CTSG: variants seen among roughly 807,000 people sequenced by gnomAD.
CTSG encodes cathepsin G.
CTSG carries 23 observed loss-of-function variants against 23.0 expected under a neutral mutation model. The observed-to-expected ratio is 1.00, with a 90% CI of 0.72 to 1.42. CTSG has a LOEUF of 1.42. Among genes scored for constraint, CTSG ranks in the 40% most tolerant of loss-of-function variants. The pLI, the probability that CTSG is intolerant of heterozygous loss-of-function variation, is 0.00. For missense variants in CTSG, 312 were observed against 326.2 expected, an observed-to-expected ratio of 0.96 and a Z score of 0.33; for synonymous variants, 140 against 130.4, an observed-to-expected ratio of 1.07 and a Z score of -0.50.
In CTSG at chr14:24,575,392, C is replaced by G; in HGVS notation, c.76G>C (p.Glu26Gln). ...TAGGGGCGGGAGTGGGGCCTGCTCT[C>G]CCGGCCTCCGATGATCTCCCCTGGA... is the stretch of plus-strand genomic sequence containing the variant. ...AEAGEIIGGR[E>Q]SRPHSRPYMA... Residue 26 changes from glutamate to glutamine, a missense_variant, in exon 2 of 5, where the codon GAG becomes CAG. Transcript: ENST00000216336. 6.2e-7 allele frequency: 1 copy of G among 1,614,168 alleles called. No homozygotes were observed. Among genetic ancestry groups the G allele is most frequent in the South Asian group, 1.1e-5 (1 of 91,084 alleles).
At chr14:24,575,206 A>G (rs1300631854) in intron 2 of CTSG, 59 bp downstream of exon 2, 11 of 1,594,650 alleles carry the variant, frequency 6.9e-6, no homozygotes, top group Non-Finnish European at 9.4e-6. Flanking sequence ...TGGCTCTTCC[A>G]CCGAAGAGCT....
At chr14:24,575,223 G>A (rs761109514) in intron 2 of CTSG, 42 bp downstream of exon 2, 26 of 1,612,524 alleles carry the variant, frequency 1.6e-5, no homozygotes, top group Non-Finnish European at 2.2e-5. Context: ...AGCTCCGCAG[G>A]GCTGTGTTCC....
Position 24,574,483 on chromosome 14 carries a change from C to CT in CTSG, c.355dup (p.Arg119LysfsTer13). 6.2e-7 allele frequency: 1 copy of CT among 1,614,070 alleles called. No individual in the cohort carries two copies. The highest frequency in any genetic ancestry group is 8.5e-7 in the Non-Finnish European group (1 of 1,180,030). On this transcript the variant is annotated frameshift_variant, in exon 4 of 5. Transcript: ENST00000216336. LOFTEE classifies it high-confidence loss of function. Reference sequence around the variant, plus strand: ...CACTGGGTTCACGTTTCGATTCCGTCTGACTCTTCTGCTCAGCTGGAGGAA... The same window carrying CT: ...CACTGGGTTCACGTTTCGATTCCGTCTTGACTCTTCTGCTCAGCTGGAGGAA...
chr14:24,574,860 C>T, intron 2 of CTSG, 50 bp from the exon 3 acceptor site: 3 of 1,610,496 alleles, frequency 1.9e-6, no homozygotes, highest in Non-Finnish European at 8.5e-7. Context: ...GGTCCACCAG[C>T]TCTGCAGGGT....
rs2066729175 is a variant in CTSG, at chr14:24,574,239, C to A, written c.594+6G>T. The A allele has an allele frequency of 1.3e-6, 2 of 1,599,478 alleles. No individual in the cohort carries two copies. The highest frequency in any genetic ancestry group is 1.7e-6 in the Non-Finnish European group (2 of 1,179,818). ...CGGGGTGTGTTGGCCAATGCCCATG[C>A]CTTACCTTGAAGGCAGCCTTCCGTT... is the stretch of plus-strand genomic sequence containing the variant. On this transcript the variant is annotated splice_donor_region_variant and intron_variant, in intron 4 of 4. Transcript: ENST00000216336.
At chr14:24,574,142 C>T in intron 4 of CTSG, 103 bp downstream of exon 4, 1 of 1,454,402 alleles carries the variant, frequency 6.9e-7, no homozygotes, top group South Asian at 1.3e-5. Context: ...CCACCCTGGT[C>T]TGGCTGCCAG....
intron 4 of CTSG, 40 bp downstream of exon 4, chr14:24,574,205 C>T (rs1305740212): frequency 6.3e-7 from 1 of 1,597,050 alleles, no homozygotes; most frequent in Non-Finnish European, 8.5e-7. Context: ...TGCACGGGCC[C>T]CTCTCTCCCG....
rs2066736397 is a variant in CTSG, at chr14:24,575,308, C to A, written c.160G>T (p.Val54Leu). The change falls in exon 2 of 5, where the codon GTG (valine) becomes TTG (leucine). Residue 54 changes from valine to leucine, a missense_variant. Coordinates refer to ENST00000216336, the MANE Select transcript of CTSG (RefSeq NM_001911.3). ...GCTGTCAGCACAAAGTCTTCTCGCA[C>A]CAGGAACCCTCCACATCTGCTCTGA... is the stretch of plus-strand genomic sequence containing the variant. ...AGQSRCGGFL[V>L]REDFVLTAAH... 6.2e-7 allele frequency: 1 copy of A among 1,614,180 alleles called. No homozygotes were observed. Among genetic ancestry groups the A allele is most frequent in the Non-Finnish European group, 8.5e-7 (1 of 1,180,036 alleles).
At chr14:24,575,519 G>T in intron 1 of CTSG, 107 bp from the exon 2 acceptor site, 1 of 1,223,462 alleles carries the variant, frequency 8.2e-7, no homozygotes, top group Non-Finnish European at 1.2e-6. Context: ...CAGGAGAGAG[G>T]GTGCAGGAGA....
intron 4 of CTSG, 109 bp from the exon 5 acceptor site, chr14:24,573,919 G>T: frequency 2.0e-6 from 2 of 1,012,066 alleles, no homozygotes; most frequent in South Asian, 1.5e-5. Flanking sequence ...TCAATTGCTG[G>T]GTGTGTGTGA....
chr14:24,575,057 A>G, intron 2 of CTSG: 2 of 698,522 alleles, frequency 2.9e-6, no homozygotes, highest in Non-Finnish European at 4.7e-6. Flanking sequence ...TTGAGCCCCA[A>G]TATGTGTCTT....
rs752967766 is a variant in CTSG, at chr14:24,574,663, G to T, written c.339+12C>A. On this transcript the variant is annotated intron_variant, in intron 3 of 4. Coordinates refer to ENST00000216336, the MANE Select transcript of CTSG (RefSeq NM_001911.3). The stretch of plus-strand genomic sequence containing the variant: ...ACACTAGGAAGGAGCCAGAGGGCCA[G>T]GTAGGTGGTACCTGCAATAACATGA... 6.2e-7 allele frequency: 1 copy of T among 1,614,240 alleles called. No homozygotes were observed. The highest frequency in any genetic ancestry group is 8.5e-7 in the Non-Finnish European group (1 of 1,180,034).
rs1424562867 is a variant in CTSG, at chr14:24,575,385, C to G, written c.83G>C (p.Arg28Thr). 1 of 1,614,106 alleles carries G rather than the reference C, an allele frequency of 6.2e-7. No individual in the cohort carries two copies. Among genetic ancestry groups the G allele is most frequent in the Admixed American group, 1.7e-5 (1 of 60,010 alleles). ...AGEIIGGRES[R>T]PHSRPYMAYL... is the part of the protein sequence containing the mutation. ...CGCCATGTAGGGGCGGGAGTGGGGC[C>G]TGCTCTCCCGGCCTCCGATGATCTC... Residue 28 changes from arginine to threonine, a missense_variant, in exon 2 of 5, where the codon AGG becomes ACG. Arg to Thr is a moderately conservative substitution (Grantham distance 71). Coordinates refer to ENST00000216336, the MANE Select transcript of CTSG (RefSeq NM_001911.3).
chr14:24,574,741 C>T lies in CTSG; in HGVS notation c.273G>A (p.Ala91=), dbSNP rs533433194. The T allele has an allele frequency of 1.9e-6, 3 of 1,614,166 alleles. No homozygotes were observed. Among genetic ancestry groups the T allele is most frequent in the African/African-American group, 1.3e-5 (1 of 75,048 alleles). Residue 91 remains alanine, a synonymous_variant, in exon 3 of 5, where the codon GCG becomes GCA. Transcript: ENST00000216336. ...ATTGAGGGTGGCGGATGGCTCTGCG[C>T]GCAGTGATGTGTTGCTGGGTGTTTT... ...RRENTQQHIT[A]RRAIRHPQYN...
At position 24,574,278 on chromosome 14, in the gene CTSG, C is replaced by T. The variant is rs992483433; in HGVS notation, c.561G>A (p.Val187=). Residue 187 remains valine (V), a synonymous_variant, in exon 4 of 5, where the codon GTG becomes GTA. Coordinates refer to ENST00000216336, the MANE Select transcript of CTSG (RefSeq NM_001911.3). ...CAGCCTTCCGTTCCCGCCGGTCCCC[C>T]ACACAAATCTGCCTTCGGGGGTCGT... The part of the protein sequence containing the change: ...GSYDPRRQIC[V]GDRRERKAAF... 7 of 1,600,158 alleles carry T rather than the reference C, an allele frequency of 4.4e-6. No homozygotes were observed. Among genetic ancestry groups the T allele is most frequent in the Middle Eastern group, 1.6e-4 (1 of 6,082 alleles).
intron 1 of CTSG, 120 bp downstream of exon 1, chr14:24,576,049 T>G: frequency 1.3e-6 from 1 of 784,752 alleles, no homozygotes; most frequent in Non-Finnish European, 2.2e-6. Flanking sequence ...ATTTTATAGA[T>G]GAGGAAACAC....
chr14:24,574,131 C>T (rs1380516048), intron 4 of CTSG, 114 bp downstream of exon 4: 1 of 1,365,018 alleles, frequency 7.3e-7, no homozygotes, highest in African/African-American at 1.4e-5. Context: ...CAATCCCCAG[C>T]CCACCCTGGT....
In CTSG at chr14:24,573,758, G is replaced by A. The variant is rs369647596; in HGVS notation, c.647C>T (p.Ser216Phe). 5 of 1,613,992 alleles carry A rather than the reference G, an allele frequency of 3.1e-6. No homozygotes were observed. In the Admixed American group the frequency reaches 8.3e-5, roughly 27 times the overall value. ...LCNNVAHGIV[S>F]YGKSSGVPPE... ...AGGAACCCCTGACGACTTTCCATAG[G>A]AGACGATGCCGTGGGCCACATTGTT... The change falls in exon 5 of 5, where the codon TCC becomes TTC. Residue 216 changes from serine (S) to phenylalanine (F), a missense_variant. By Grantham distance (155) the Ser-to-Phe change is radical. Transcript: ENST00000216336.
At chr14:24,575,556 G>A (rs2066738006) in intron 1 of CTSG, 144 bp from the exon 2 acceptor site, 1 of 848,666 alleles carries the variant, frequency 1.2e-6, no homozygotes, top group Non-Finnish European at 1.9e-6. Flanking sequence ...GAGGCTTGGA[G>A]TCTATGGGGC....
Sources: allele counts gnomAD v4.1 joint callset, GRCh38; gene constraint gnomAD v4.1.1; transcripts MANE v1.5; gene names NCBI Gene and HGNC (gene_info 2026-07-23, HGNC 2026-07-21).